Variants in SORCS2 observed in about 807,000 individuals in gnomAD.
SORCS2 encodes the protein VPS10 domain-containing receptor SorCS2.
SORCS2 carries 100 observed loss-of-function variants against 141.6 expected under a neutral mutation model. That is an observed-to-expected ratio of 0.71 (90% CI 0.60 to 0.83). The LOEUF (loss-of-function observed/expected upper bound fraction) is 0.83. Ranked by LOEUF, SORCS2 falls within the 40% of genes least tolerant of loss-of-function variation. The probability of loss-of-function intolerance (pLI) is 0.00; values close to 1 mark genes in which losing one functional copy is unlikely to be tolerated. For synonymous variants in SORCS2, 789 were observed against 676.9 expected, an observed-to-expected ratio of 1.17 and a Z score of -2.57; for missense variants, 1,646 against 1,560.2, an observed-to-expected ratio of 1.05 and a Z score of -0.93.
intron 2 of SORCS2, among the ~76,000 whole-genome samples, chr4:7,472,511 G>A (rs530974290): frequency 5.3e-5 from 8 of 152,068 alleles, no homozygotes; most frequent in South Asian, 2.1e-4. Flanking sequence ...AGATCACAAA[G>A]GACTGTGGCT....
chr4:7,683,183 G>A (rs1206392372), intron 10 of SORCS2, among the ~76,000 whole-genome samples: 3 of 152,096 alleles, frequency 2.0e-5, no homozygotes, highest in Admixed American at 6.6e-5. Flanking sequence ...TCAGCTGGGC[G>A]GCTCTGCTGA....
At chr4:7,557,303 G>C (rs185938330) in intron 3 of SORCS2, among the ~76,000 whole-genome samples, 25 of 152,132 alleles carry the variant, frequency 1.6e-4, no homozygotes, top group Admixed American at 1.6e-3. Context: ...CTGGGGGCAC[G>C]GGCAGATTGG....
At chr4:7,312,380 A>AAG (rs1290078131) in intron 1 of SORCS2, among the ~76,000 whole-genome samples, 1 of 152,096 alleles carries the variant, frequency 6.6e-6, no homozygotes, top group Admixed American at 6.5e-5. Flanking sequence ...CTCTGCACCC[A>AAG]AGCTGGGATG....
intron 3 of SORCS2, among the ~76,000 whole-genome samples, chr4:7,613,210 A>T (rs955792937): frequency 5.9e-5 from 9 of 152,244 alleles, no homozygotes; most frequent in African/African-American, 2.2e-4. Context: ...GCTGCCCAAA[A>T]TAGGTCTTCC....
At chr4:7,313,541 A>C (rs1033424735) in intron 1 of SORCS2, among the ~76,000 whole-genome samples, 1 of 152,070 alleles carries the variant, frequency 6.6e-6, no homozygotes, top group Non-Finnish European at 1.5e-5. Flanking sequence ...GGGAGGAAGG[A>C]GGGGCTGAGC....
At chr4:7,609,262 A>C (rs1222987312) in intron 3 of SORCS2, among the ~76,000 whole-genome samples, 2 of 152,146 alleles carry the variant, frequency 1.3e-5, no homozygotes, top group Non-Finnish European at 2.9e-5. Flanking sequence ...AGAACTTTGA[A>C]AGGAATACAT....
chr4:7,198,741 T>C (rs1344179350), intron 1 of SORCS2, among the ~76,000 whole-genome samples: 1 of 152,142 alleles, frequency 6.6e-6, no homozygotes, highest in Admixed American at 6.5e-5. Flanking sequence ...GGGGCAAGCC[T>C]GTCCGGGACC....
intron 7 of SORCS2, among the ~76,000 whole-genome samples, chr4:7,666,453 T>A (rs942574879): frequency 2.0e-5 from 3 of 152,090 alleles, no homozygotes; most frequent in African/African-American, 7.2e-5. Flanking sequence ...CCCTCTCCCT[T>A]CCTCCCTCCT....
chr4:7,378,807 G>T (rs1722815795), intron 1 of SORCS2, among the ~76,000 whole-genome samples: 3 of 152,176 alleles, frequency 2.0e-5, no homozygotes, highest in African/African-American at 7.2e-5. Context: ...GCAGCTGAGA[G>T]TTATCCCAAG....
chr4:7,645,063 TGATGCCAA>T (rs1298241725), intron 4 of SORCS2, among the ~76,000 whole-genome samples: 2 of 152,216 alleles, frequency 1.3e-5, no homozygotes, highest in Admixed American at 1.3e-4. Flanking sequence ...CATGAGGCAG[TGATGCCAA>T]TGGTAACGCC....
At chr4:7,246,597 T>G (rs951239657) in intron 1 of SORCS2, among the ~76,000 whole-genome samples, 3 of 152,186 alleles carry the variant, frequency 2.0e-5, no homozygotes, top group Non-Finnish European at 4.4e-5. Flanking sequence ...GCCAAAGTGT[T>G]GGTGCCAGGG....
chr4:7,520,407 G>A (rs1733251762), intron 2 of SORCS2, among the ~76,000 whole-genome samples: 1 of 152,214 alleles, frequency 6.6e-6, no homozygotes, highest in African/African-American at 2.4e-5. Flanking sequence ...CCGAGGTCAT[G>A]CCCCTATTTC....
chr4:7,332,964 GC>G (rs1305938601), intron 1 of SORCS2, among the ~76,000 whole-genome samples: 1 of 152,120 alleles, frequency 6.6e-6, no homozygotes, highest in Non-Finnish European at 1.5e-5. Context: ...TATTTACCCA[GC>G]GGAGTTTTGA....
chr4:7,544,473 C>G (rs1200839986), intron 3 of SORCS2, among the ~76,000 whole-genome samples: 1 of 152,176 alleles, frequency 6.6e-6, no homozygotes, highest in Non-Finnish European at 1.5e-5. Context: ...GCAGAGTTCA[C>G]CAGCCTGAGC....
chr4:7,638,740 G>C (rs1720438189), intron 4 of SORCS2, among the ~76,000 whole-genome samples: 1 of 152,204 alleles, frequency 6.6e-6, no homozygotes, highest in East Asian at 1.9e-4. Context: ...AGTGCACCAG[G>C]CTCAGAGGCT....
rs182313953 is a variant in SORCS2 at position 7,201,618 on chromosome 4, G to A, written c.480+8492G>A. 5.3e-5 allele frequency among the ~76,000 whole-genome samples: 8 copies of A among 152,334 alleles called. No homozygotes were observed. The East Asian group carries it at 1.4e-3, about 26-fold the overall frequency. ...CTGGGACGCTGCCGAGAACCCCTGT[G>A]CCTTTTCCGGTGCAGGAAGAAATGG... On this transcript the variant is annotated intron_variant, in intron 1 of 26. Transcript: ENST00000507866. This position sits in a 1 kb window ranked among gnomAD's most constrained non-coding sequence, Gnocchi z 4.4.
At chr4:7,708,457 G>T (rs1725615370) in intron 14 of SORCS2, among the ~76,000 whole-genome samples, 2 of 152,264 alleles carry the variant, frequency 1.3e-5, no homozygotes, top group East Asian at 3.9e-4. Context: ...ACCCGCCACG[G>T]GTGGGTCCCG....
At chr4:7,447,814 G>A (rs115044066) in intron 2 of SORCS2, among the ~76,000 whole-genome samples, 1 of 152,276 alleles carries the variant, frequency 6.6e-6, no homozygotes, top group Non-Finnish European at 1.5e-5. Context: ...GTGCATCCCA[G>A]GATGTCCCAC....
chr4:7,433,769 G>A lies in SORCS2; in HGVS notation c.548+37414G>A, dbSNP rs750030042. Reference sequence around the variant, plus strand: ...TAGGCATCATGGACTGCCCGGGCCCGCCTCCGGTTGCCACACAGACGGATG... The same window carrying A: ...TAGGCATCATGGACTGCCCGGGCCCACCTCCGGTTGCCACACAGACGGATG... On this transcript the variant is annotated intron_variant, in intron 2 of 26. Transcript: ENST00000507866. 57 of 1,613,210 alleles carry A rather than the reference G, an allele frequency of 3.5e-5. No individual in the cohort carries two copies. Among genetic ancestry groups the A allele is most frequent in the Non-Finnish European group, 4.1e-5 (48 of 1,179,820 alleles).
Sources: allele counts gnomAD v4.1 joint callset (sites outside exome capture counted in the v4.1 genomes callset), GRCh38; gene constraint gnomAD v4.1.1; non-coding constraint Gnocchi (gnomAD v3.1); transcripts MANE v1.5; gene names NCBI Gene and HGNC (gene_info 2026-07-23, HGNC 2026-07-21).